The following POLR1B variants were observed in gnomAD, a reference collection of about 807,000 sequenced individuals.
The protein encoded by POLR1B is DNA-directed RNA polymerase I subunit RPA2.
In POLR1B, 30 loss-of-function variants were observed where a neutral mutation model predicts 105.8. The observed-to-expected ratio is 0.28, with a 90% CI of 0.21 to 0.38. The LOEUF is 0.38. POLR1B is among the 10% of genes least tolerant of loss of function. The probability of loss-of-function intolerance (pLI) is 1.00; values close to 1 mark genes in which losing one functional copy is unlikely to be tolerated. For synonymous variants in POLR1B, 485 were observed against 505.1 expected, an observed-to-expected ratio of 0.96 and a Z score of 0.53; for missense variants, 976 against 1,435.8, an observed-to-expected ratio of 0.68 and a Z score of 5.17.
upstream of POLR1B, chr2:112,542,441 A>T (rs772217558): frequency 7.5e-7 from 1 of 1,328,032 alleles, no homozygotes; most frequent in African/African-American, 1.5e-5. Flanking sequence ...GTGTACCGAG[A>T]GACTGGCGTC....
intron 8 of POLR1B, 50 bp downstream of exon 8, chr2:112,558,131 G>C: frequency 2.4e-6 from 3 of 1,273,792 alleles, no homozygotes; most frequent in Non-Finnish European, 2.0e-6. Context: ...TAGTTGCTTA[G>C]TGTAGATTTG....
intron 5 of POLR1B, 49 bp downstream of exon 5, chr2:112,551,051 G>A (rs772117796): frequency 6.5e-7 from 1 of 1,547,014 alleles, no homozygotes; most frequent in Non-Finnish European, 8.9e-7. Context: ...TTCACTGGGG[G>A]TAGTATCCTG....
chr2:112,559,771 C>T (rs1200537917), intron 9 of POLR1B, among the ~76,000 whole-genome samples, 197 bp downstream of exon 9: 2 of 152,256 alleles, frequency 1.3e-5, no homozygotes, highest in East Asian at 3.9e-4. Context: ...GCTGGAACTA[C>T]AGGCGCCCGC....
chr2:112,552,231 T>A (rs1460073116), intron 6 of POLR1B, among the ~76,000 whole-genome samples: 1 of 152,230 alleles, frequency 6.6e-6, no homozygotes, highest in Non-Finnish European at 1.5e-5. Context: ...TTTGAAATAA[T>A]TTCAGACTTC....
chr2:112,552,908 G>T, intron 7 of POLR1B, 92 bp downstream of exon 7: 2 of 1,209,394 alleles, frequency 1.7e-6, no homozygotes, highest in Non-Finnish European at 1.1e-6. Flanking sequence ...CATGTTTATA[G>T]TTTCTAGTTT....
chr2:112,578,543 T>C lies in POLR1B; in HGVS notation c.*2814T>C, dbSNP rs1684965158. Among the ~76,000 whole-genome samples, 1 of 152,236 alleles carries C rather than the reference T, an allele frequency of 6.6e-6. No homozygotes were observed. The highest frequency in any genetic ancestry group is 2.1e-4 in the South Asian group (1 of 4,834). On this transcript the variant is annotated 3_prime_UTR_variant, in exon 15 of 15. Transcript: ENST00000263331. ...AGTACTCCATAGTATGAATATACTA[T>C]GTACATAGCATATATATTTATAGTT...
chr2:112,574,728 A>T, intron 14 of POLR1B, 119 bp from the exon 15 acceptor site: 7 of 419,426 alleles, frequency 1.7e-5, no homozygotes, highest in East Asian at 1.0e-4. Context: ...TATCATAAAA[A>T]AAAAAAAAAA....
intron 9 of POLR1B, among the ~76,000 whole-genome samples, chr2:112,562,736 T>C (rs888133895): frequency 2.7e-5 from 4 of 148,250 alleles, no homozygotes; most frequent in African/African-American, 7.6e-5. Context: ...TTCTTTTTTT[T>C]TTTTTTTTTG....
At position 112,564,352 on chromosome 2, in the gene POLR1B, G is replaced by C. The variant is rs767091094; in HGVS notation, c.1613-14G>C. On this transcript the variant is annotated splice_polypyrimidine_tract_variant and intron_variant, in intron 9 of 14. Transcript: ENST00000263331. Reference sequence around the variant, plus strand: ...GCATTCTGATGTGATTGTGCTGTTTGTTTCCTTTACCAGGGGTCACTCCCA... The same window carrying C: ...GCATTCTGATGTGATTGTGCTGTTTCTTTCCTTTACCAGGGGTCACTCCCA... 2 of 1,613,576 alleles carry C rather than the reference G, an allele frequency of 1.2e-6. No homozygotes were observed. The highest frequency in any genetic ancestry group is 1.7e-6 in the Non-Finnish European group (2 of 1,179,702).
intron 9 of POLR1B, among the ~76,000 whole-genome samples, chr2:112,563,287 C>T (rs1023653374): frequency 6.7e-6 from 1 of 148,946 alleles, no homozygotes; most frequent in Non-Finnish European, 1.5e-5. Context: ...GATCTCCTGA[C>T]CTCGTGATCT....
chr2:112,542,945 G>A lies in POLR1B; in HGVS notation c.177+274G>A, dbSNP rs1256584977. 2.0e-5 allele frequency among the ~76,000 whole-genome samples: 3 copies of A among 152,224 alleles called. 1 individual carries two copies. Among genetic ancestry groups the A allele is most frequent in the Admixed American group, 2.0e-4 (3 of 15,276 alleles). ...TTCGGGGTGCTGTGAGAGTGAGGAAGTGGCTTATCTGGGGATGTGCTTCAC... is the reference window on the plus strand; with the variant it reads ...TTCGGGGTGCTGTGAGAGTGAGGAAATGGCTTATCTGGGGATGTGCTTCAC... On this transcript the variant is annotated intron_variant, in intron 1 of 14. Coordinates refer to ENST00000263331, the MANE Select transcript of POLR1B (RefSeq NM_019014.6).
At chr2:112,561,771 A>G (rs1684000739) in intron 9 of POLR1B, among the ~76,000 whole-genome samples, 1 of 152,080 alleles carries the variant, frequency 6.6e-6, no homozygotes, top group Admixed American at 6.5e-5. Flanking sequence ...ACCTTTTTGC[A>G]TTTATGAACA....
chr2:112,575,542 G>A lies in POLR1B; in HGVS notation c.3221G>A (p.Gly1074Asp), dbSNP rs765800290. 5.6e-6 allele frequency: 9 copies of A among 1,614,112 alleles called. No individual in the cohort carries two copies. The highest frequency in any genetic ancestry group is 7.6e-6 in the Non-Finnish European group (9 of 1,180,014). ...RSVAHVCVKC[G>D]SLLSPLLEKP... is the part of the protein sequence containing the mutation. ...GTAGCCCATGTGTGTGTGAAGTGTG[G>A]CAGTTTACTCTCTCCACTGTTGGAG... Residue 1074 changes from glycine to aspartate, a missense_variant, in exon 15 of 15, where the codon GGC (glycine) becomes GAC (aspartate). Gly to Asp is a moderately conservative substitution (Grantham distance 94, BLOSUM62 -1). Transcript: ENST00000263331. The surrounding 1 kb of genome is among the most constrained non-coding windows in gnomAD (Gnocchi z 5.3).
At chr2:112,557,814 G>T in intron 7 of POLR1B, 96 bp from the exon 8 acceptor site, 1 of 518,000 alleles carries the variant, frequency 1.9e-6, no homozygotes, top group Non-Finnish European at 2.7e-6. Context: ...TTGAACTCTT[G>T]GTCTCAAGCG....
rs923825531 is a variant in POLR1B, at chr2:112,577,861, G to A, written c.*2132G>A. Among the ~76,000 whole-genome samples the A allele has an allele frequency of 6.7e-6, 1 of 149,404 alleles. No homozygotes were observed. Among genetic ancestry groups the A allele is most frequent in the Non-Finnish European group, 1.5e-5 (1 of 67,662 alleles). On this transcript the variant is annotated 3_prime_UTR_variant, in exon 15 of 15. Coordinates refer to ENST00000263331, the MANE Select transcript of POLR1B (RefSeq NM_019014.6). ...AAAAAAAAAAAAAAAAAGCGGGGAG[G>A]CATAAGAAAAAACCAATTTAATAGA... is the stretch of plus-strand genomic sequence containing the variant.
intron 12 of POLR1B, among the ~76,000 whole-genome samples, chr2:112,571,366 T>C (rs1464243130): frequency 6.6e-6 from 1 of 152,080 alleles, no homozygotes; most frequent in Admixed American, 6.6e-5. Context: ...AGAGGATTGG[T>C]TTTGTTTGTT....
At chr2:112,542,738 C>G (rs1682826173) in intron 1 of POLR1B, 67 bp downstream of exon 1, 2 of 1,569,330 alleles carry the variant, frequency 1.3e-6, no homozygotes, top group African/African-American at 2.7e-5. Context: ...GCTGGGAGGT[C>G]ACAGTATGAC....
At chr2:112,544,340 G>A (rs1366218000) in intron 1 of POLR1B, among the ~76,000 whole-genome samples, 2 of 152,236 alleles carry the variant, frequency 1.3e-5, no homozygotes, top group African/African-American at 2.4e-5. Flanking sequence ...GCTGAGGCAC[G>A]AGAATCGCTT....
Position 112,576,499 on chromosome 2 carries a change from CT to C in POLR1B, c.*771del, listed in dbSNP as rs1323519306. 6.6e-6 allele frequency: 1 copy of C among 152,236 alleles called. No individual in the cohort carries two copies. Among genetic ancestry groups the C allele is most frequent in the Non-Finnish European group, 1.5e-5 (1 of 68,068 alleles). 9.4% of individuals were successfully genotyped at this position (152,236 alleles called of 1,614,324 possible). The stretch of plus-strand genomic sequence containing the variant: ...GTCTTGCATAACTGAAGCTTTATAC[CT>C]GTTGAACAACTCTCCATTTCCCTGG... On this transcript the variant is annotated 3_prime_UTR_variant, in exon 15 of 15. Coordinates refer to ENST00000263331, the MANE Select transcript of POLR1B (RefSeq NM_019014.6).
Sources: gnomAD v4.1 joint callset for allele counts (sites outside exome capture counted in the v4.1 genomes callset) on GRCh38, gnomAD v4.1.1 for gene constraint, Gnocchi (gnomAD v3.1) non-coding constraint, MANE v1.5 for transcripts, NCBI Gene and HGNC (gene_info 2026-07-23, HGNC 2026-07-21) for gene names.